The following EFCAB6 variants were observed in gnomAD, a reference collection of about 807,000 sequenced individuals.
The protein encoded by EFCAB6 is EF-hand calcium binding domain 6, also known as EF-hand calcium-binding domain-containing protein 6.
In EFCAB6, 156 loss-of-function variants were observed where a neutral mutation model predicts 169.8. The ratio of observed to expected loss-of-function variants is 0.92; its 90% CI spans 0.81 to 1.05. The LOEUF (loss-of-function observed/expected upper bound fraction) is 1.05, where lower values mean the gene tolerates loss of function less well. Ranked by LOEUF, EFCAB6 falls within the 50% of genes least tolerant of loss-of-function variation. The probability of loss-of-function intolerance (pLI) is 0.00; values close to 1 mark genes in which losing one functional copy is unlikely to be tolerated. For synonymous variants in EFCAB6, 698 were observed against 676.4 expected, an observed-to-expected ratio of 1.03 and a Z score of -0.50; for missense variants, 1,800 against 1,829.1, an observed-to-expected ratio of 0.98 and a Z score of 0.29.
At chr22:43,605,971 G>A (rs73172062) in intron 22 of EFCAB6, among the ~76,000 whole-genome samples, 11,627 of 152,216 alleles carry the variant, frequency 0.076, 620 homozygotes, top group South Asian at 0.18. Context: ...GGAACTGCAC[G>A]ATTGACCTAA....
intron 10 of EFCAB6, among the ~76,000 whole-genome samples, chr22:43,710,576 G>C (rs866184892): frequency 3.9e-5 from 6 of 152,176 alleles, no homozygotes; most frequent in Non-Finnish European, 1.5e-5. Context: ...ACTGTGTCTT[G>C]TTGTCACCAA....
chr22:43,570,634 G>A (rs1229913744), intron 26 of EFCAB6, among the ~76,000 whole-genome samples: 3 of 145,208 alleles, frequency 2.1e-5, no homozygotes, highest in East Asian at 2.0e-4. Flanking sequence ...TTTCCTGTTC[G>A]GCTTCTTCAC....
intron 6 of EFCAB6, 25 bp downstream of exon 6, chr22:43,755,741 A>G (rs772509186): frequency 2.7e-5 from 42 of 1,576,538 alleles, no homozygotes; most frequent in Non-Finnish European, 3.4e-5. Context: ...GTGGGGGGAA[A>G]TCATTTCTTT....
intron 22 of EFCAB6, among the ~76,000 whole-genome samples, chr22:43,606,961 G>A (rs2052964052): frequency 6.6e-6 from 1 of 151,990 alleles, no homozygotes; most frequent in Non-Finnish European, 1.5e-5. Context: ...CCACTCAGGG[G>A]TTCGTCCTCT....
At chr22:43,784,549 GTATATATACACATATATA>G (rs1569487187) in intron 2 of EFCAB6, among the ~76,000 whole-genome samples, 24 of 77,926 alleles carry the variant, frequency 3.1e-4, no homozygotes, top group Admixed American at 7.1e-4. Flanking sequence ...GTGTGTATAT[GTATATATACACATATATA>G]TGTGTACATA....
chr22:43,697,241 T>G (rs1423565339), intron 10 of EFCAB6, among the ~76,000 whole-genome samples: 1 of 152,176 alleles, frequency 6.6e-6, no homozygotes, highest in Non-Finnish European at 1.5e-5. Context: ...ACCTTAAAAA[T>G]CTTCAAACCC....
At chr22:43,624,763 C>T (rs1361719686) in intron 20 of EFCAB6, among the ~76,000 whole-genome samples, 3 of 152,160 alleles carry the variant, frequency 2.0e-5, no homozygotes, top group African/African-American at 4.8e-5. Context: ...ACTGTTGTAC[C>T]GTCTAGTCCT....
chr22:43,613,898 AG>A (rs1277822177), intron 21 of EFCAB6, among the ~76,000 whole-genome samples: 15 of 152,130 alleles, frequency 9.9e-5, no homozygotes, highest in Admixed American at 9.8e-4. Flanking sequence ...AGGCTGAGGT[AG>A]GAGGACCACT....
intron 23 of EFCAB6, among the ~76,000 whole-genome samples, chr22:43,594,788 C>G (rs1355556390): frequency 6.6e-6 from 1 of 152,210 alleles, no homozygotes; most frequent in Non-Finnish European, 1.5e-5. Flanking sequence ...ATGGACCTAA[C>G]AGACATTTAC....
rs763734893 is a variant in EFCAB6 at position 43,540,178 on chromosome 22, T to C, written c.3828A>G (p.Ser1276=). Residue 1276 remains serine, a synonymous_variant, in exon 28 of 32, where the codon TCA becomes TCG. Transcript: ENST00000262726. The part of the protein sequence containing the change: ...DVSEGTRSAL[S]LPTQELRPGS... ...CTGGTCTCAGCTCCTGAGTGGGCAATGAGAGGGCAGATCTGGTGCCTTCCG... is the reference window on the plus strand; with the variant it reads ...CTGGTCTCAGCTCCTGAGTGGGCAACGAGAGGGCAGATCTGGTGCCTTCCG... The C allele has an allele frequency of 1.1e-5, 18 of 1,614,128 alleles. No homozygotes were observed. The highest frequency in any genetic ancestry group is 1.3e-5 in the Non-Finnish European group (15 of 1,180,006).
chr22:43,585,503 C>T (rs757108977), intron 24 of EFCAB6, among the ~76,000 whole-genome samples: 1 of 152,078 alleles, frequency 6.6e-6, no homozygotes, highest in Non-Finnish European at 1.5e-5. Context: ...GTAACACCTG[C>T]ATCATTGGAA....
chr22:43,547,062 G>C (rs1345991598), intron 27 of EFCAB6, among the ~76,000 whole-genome samples: 1 of 152,062 alleles, frequency 6.6e-6, no homozygotes, highest in Non-Finnish European at 1.5e-5. Context: ...AGTAAAGAAG[G>C]GGACACCAAA....
chr22:43,579,597 TCC>T (rs2050564852), intron 25 of EFCAB6, among the ~76,000 whole-genome samples: 3 of 150,570 alleles, frequency 2.0e-5, no homozygotes, highest in Non-Finnish European at 3.0e-5. Context: ...CAGGCATCAT[TCC>T]CTGCATGCAG....
At chr22:43,592,651 T>G (rs192319355) in intron 23 of EFCAB6, among the ~76,000 whole-genome samples, 2 of 152,288 alleles carry the variant, frequency 1.3e-5, no homozygotes, top group South Asian at 2.1e-4. Flanking sequence ...GCTGGGTCTA[T>G]GTCCAGTTCC....
rs1037516871 is a variant in EFCAB6 at position 43,534,824 on chromosome 22, T to C, written c.4097A>G (p.Gln1366Arg). 1.9e-6 allele frequency: 3 copies of C among 1,613,588 alleles called. No individual in the cohort carries two copies. The highest frequency in any genetic ancestry group is 2.5e-6 in the Non-Finnish European group (3 of 1,179,930). ...NLDISKEECQ[Q>R]LIIKYDLKSN... Reference sequence around the variant, plus strand: ...CTTTAAGTCGTATTTTATAATGAGCTGCTGACACTCCTCTTTGCTTATGTC... The same window carrying C: ...CTTTAAGTCGTATTTTATAATGAGCCGCTGACACTCCTCTTTGCTTATGTC... Residue 1366 changes from glutamine to arginine, a missense_variant, in exon 30 of 32, where the codon CAG becomes CGG. Gln to Arg is a conservative substitution (Grantham distance 43). Coordinates refer to ENST00000262726, the MANE Select transcript of EFCAB6 (RefSeq NM_022785.4).
Position 43,618,210 on chromosome 22 carries a change from G to GAA in EFCAB6, c.2466-2290_2466-2289dup, listed in dbSNP as rs897863362. 9.9e-5 allele frequency among the ~76,000 whole-genome samples: 14 copies of GAA among 141,094 alleles called. 1 individual carries two copies. The South Asian group carries it at 2.9e-3, about 29-fold the overall frequency. 92.6% of individuals were successfully genotyped at this position (141,094 alleles called of 152,430 possible). A position where few individuals can be genotyped will look rare whatever the true frequency, so the allele number is the denominator to read the frequency against. On this transcript the variant is annotated intron_variant, in intron 20 of 31. Coordinates refer to ENST00000262726, the MANE Select transcript of EFCAB6 (RefSeq NM_022785.4). ...AGAAAGAAAGAAAGAAAGAAAGAAA[G>GAA]AAAGAAAGAAAGAGAAAGAAAGAAA...
In EFCAB6 at chr22:43,784,511, A is replaced by ATATG. The variant is rs1382847722; in HGVS notation, c.-7-2187_-7-2186insCATA. Among the ~76,000 whole-genome samples, 147 of 91,386 alleles carry ATATG rather than the reference A, an allele frequency of 1.6e-3. 1 individual carries two copies. The highest frequency in any genetic ancestry group is 5.9e-3 in the African/African-American group (139 of 23,684). 60.0% of individuals were successfully genotyped at this position (91,386 alleles called of 152,430 possible). ...ACCAAAAAAAAAAAAAAATATATAT[A>ATATG]TGTGTGTGTGTGTGTGTGTGTGTGT... On this transcript the variant is annotated intron_variant, in intron 2 of 31. Transcript: ENST00000262726.
In EFCAB6 at chr22:43,534,756, C is replaced by G. The variant is rs778821305; in HGVS notation, c.4165G>C (p.Val1389Leu). ...CTTTCCTTTGCTTTTAGCAGGAGGA[C>G]ACAGCTCTGAATGAAGTCACAGTAT... ...FAYCDFIQSC[V>L]LLLKAKESSL... The change falls in exon 30 of 32, where the codon GTC becomes CTC. Residue 1389 changes from valine to leucine, a missense_variant. Val to Leu is a conservative substitution (Grantham distance 32, BLOSUM62 1). Transcript: ENST00000262726. 1.2e-6 allele frequency: 2 copies of G among 1,613,956 alleles called. No homozygotes were observed. Among genetic ancestry groups the G allele is most frequent in the East Asian group, 4.5e-5 (2 of 44,856 alleles).
chr22:43,553,031 A>T (rs988147939), intron 27 of EFCAB6: 3 of 152,222 alleles, frequency 2.0e-5, no homozygotes, highest in Non-Finnish European at 4.4e-5. Flanking sequence ...GTGATATTTT[A>T]GGAATGTTAA....
Sources: gnomAD v4.1 joint callset for allele counts (sites outside exome capture counted in the v4.1 genomes callset) on GRCh38, gnomAD v4.1.1 for gene constraint, MANE v1.5 for transcripts, NCBI Gene and HGNC (gene_info 2026-07-23, HGNC 2026-07-21) for gene names.